The following RACGAP1 variants were observed in gnomAD, a reference collection of about 807,000 sequenced individuals.
RACGAP1 encodes rac GTPase-activating protein 1.
Under a neutral mutation model 78.1 loss-of-function variants are expected in RACGAP1, and 30 were observed. That is an observed-to-expected ratio of 0.38 (90% confidence interval 0.29 to 0.52). The LOEUF (loss-of-function observed/expected upper bound fraction) is 0.52, where lower values mean the gene tolerates loss of function less well. Among genes scored for constraint, RACGAP1 ranks in the 20% least tolerant of loss-of-function variants. The probability of loss-of-function intolerance (pLI) is 0.82; values close to 1 mark genes in which losing one functional copy is unlikely to be tolerated. For missense variants in RACGAP1, 587 were observed against 777.1 expected (o/e 0.76, Z 2.91); for synonymous variants, 231 against 264.8 (o/e 0.87, Z 1.24).
chr12:50,024,675 T>C (rs1419268136), intron 1 of RACGAP1, among the ~76,000 whole-genome samples: 1 of 151,666 alleles, frequency 6.6e-6, no homozygotes, highest in Non-Finnish European at 1.5e-5. Flanking sequence ...TTAAGTCCCC[T>C]CCAAAAGATA....
At position 49,999,811 on chromosome 12, in the gene RACGAP1, T is replaced by TA. The variant is rs544166663; in HGVS notation, c.631-79dup. The TA allele has an allele frequency of 3.6e-3, 4,281 of 1,199,932 alleles. 7 individuals carry two copies. Among genetic ancestry groups the TA allele is most frequent in the Non-Finnish European group, 4.8e-3 (3,882 of 810,712 alleles). The allele number at this position is 1,199,932 out of a possible 1,614,324, so 74.3% of individuals were successfully genotyped here. On this transcript the variant is annotated intron_variant, in intron 7 of 16. Coordinates refer to ENST00000312377, the MANE Select transcript of RACGAP1 (RefSeq NM_001319999.2). ...CCACTATAGGGTATTTTGGAGCAGG[T>TA]AAAAAATTCCTTAGTCTTAGTCAAG...
chr12:50,008,202 CTTT>C (rs554013271), intron 2 of RACGAP1, among the ~76,000 whole-genome samples: 2 of 116,804 alleles, frequency 1.7e-5, no homozygotes, highest in Admixed American at 8.4e-5. Context: ...AAAGATATTA[CTTT>C]TTTTTTTTTT....
chr12:50,020,543 A>G (rs1433626826), intron 1 of RACGAP1, among the ~76,000 whole-genome samples: 1 of 152,152 alleles, frequency 6.6e-6, no homozygotes, highest in African/African-American at 2.4e-5. Flanking sequence ...GAAACCTTAA[A>G]TTAACCAATA....
chr12:50,008,929 G>T (rs1246617136), intron 2 of RACGAP1, among the ~76,000 whole-genome samples: 1 of 152,166 alleles, frequency 6.6e-6, no homozygotes, highest in Non-Finnish European at 1.5e-5. Context: ...TGGTCAGTTG[G>T]TGAATCACAA....
At chr12:50,014,601 G>A (rs1949543260) in intron 2 of RACGAP1, among the ~76,000 whole-genome samples, 1 of 152,112 alleles carries the variant, frequency 6.6e-6, no homozygotes, top group African/African-American at 2.4e-5. Context: ...GTCTCGCTCT[G>A]TCCCAGGCTG....
chr12:50,011,331 CAAAAAAAAAAAA>C (rs34796842), intron 2 of RACGAP1, among the ~76,000 whole-genome samples: 1 of 71,486 alleles, frequency 1.4e-5, no homozygotes, highest in South Asian at 4.4e-4. Flanking sequence ...GAGACTGTCT[CAAAAAAAAAAAA>C]AAAAAAAGAA....
chr12:50,020,733 T>G (rs1229654466), intron 1 of RACGAP1, among the ~76,000 whole-genome samples: 1 of 152,062 alleles, frequency 6.6e-6, no homozygotes, highest in Non-Finnish European at 1.5e-5. Context: ...AAAACACAAA[T>G]TATAGCTGGA....
chr12:50,031,654 C>T lies in RACGAP1; in HGVS notation c.-24+43G>A, dbSNP rs902771629. 32 of 983,670 alleles carry T rather than the reference C, an allele frequency of 3.3e-5. No homozygotes were observed. In the African/African-American group the frequency reaches 5.2e-4, roughly 16 times the overall value. The allele number at this position is 983,670 out of a possible 1,614,324, so 60.9% of individuals were successfully genotyped here. A position where few individuals can be genotyped will look rare whatever the true frequency, so the allele number is the denominator to read the frequency against. On this transcript the variant is annotated intron_variant, in intron 2 of 3. Transcript: ENST00000548247. ...TGTGCGCCAGCACTCTCCGGAACTTCCCGAACTTCCAGTGCCTCTTCACCA... is the reference window on the plus strand; with the variant it reads ...TGTGCGCCAGCACTCTCCGGAACTTTCCGAACTTCCAGTGCCTCTTCACCA...
intron 9 of RACGAP1, among the ~76,000 whole-genome samples, chr12:49,998,583 AT>A (rs1305268826): frequency 1.4e-4 from 21 of 152,030 alleles, no homozygotes; most frequent in African/African-American, 4.8e-4. Context: ...TCAAGAAAAA[AT>A]GTAAACATGT....
rs190356225 is a variant in RACGAP1 at position 49,989,392 on chromosome 12, C to A, written c.*876G>T. 1.3e-5 allele frequency: 2 copies of A among 152,066 alleles called. No homozygotes were observed. Among genetic ancestry groups the A allele is most frequent in the African/African-American group, 4.8e-5 (2 of 41,366 alleles). 9.4% of individuals were successfully genotyped at this position (152,066 alleles called of 1,614,324 possible). The stretch of plus-strand genomic sequence containing the variant: ...GAAAAAATGACTGTAGCTTTTCTTA[C>A]CACAAAATATTGACAATCTTCCCTT... On this transcript the variant is annotated 3_prime_UTR_variant, in exon 17 of 17. Transcript: ENST00000312377.
At chr12:50,008,004 G>A (rs1418797086) in intron 2 of RACGAP1, among the ~76,000 whole-genome samples, 1 of 150,246 alleles carries the variant, frequency 6.7e-6, no homozygotes, top group Non-Finnish European at 1.5e-5. Context: ...AAACAATTTT[G>A]AGAATAAAAA....
chr12:49,997,233 A>T, intron 9 of RACGAP1, 29 bp from the exon 10 acceptor site: 1 of 1,469,844 alleles, frequency 6.8e-7, no homozygotes. Flanking sequence ...GAAGGAACAG[A>T]GTGATATGAA....
chr12:50,029,660 G>A (rs1468399246), upstream of RACGAP1, among the ~76,000 whole-genome samples: 2 of 152,154 alleles, frequency 1.3e-5, no homozygotes, highest in Admixed American at 6.5e-5. Flanking sequence ...TTGGGAGGCC[G>A]AGGTGGGCAG....
At chr12:50,030,163 T>C (rs1950318822), upstream of RACGAP1, among the ~76,000 whole-genome samples, 1 of 152,096 alleles carries the variant, frequency 6.6e-6, no homozygotes, top group Non-Finnish European at 1.5e-5. Context: ...ATTTATTCCT[T>C]TACTTTCTTA....
At chr12:50,025,376 G>A (rs542346686) in intron 1 of RACGAP1, 22 bp downstream of exon 1, 36 of 985,786 alleles carry the variant, frequency 3.7e-5, no homozygotes, top group Middle Eastern at 5.2e-4. Flanking sequence ...GACGCACCTG[G>A]TCTGGCACCC....
intron 9 of RACGAP1, among the ~76,000 whole-genome samples, chr12:49,997,661 TCCACCTCC>T (rs752005197): frequency 7.9e-5 from 12 of 151,876 alleles, no homozygotes; most frequent in Non-Finnish European, 1.6e-4. Context: ...CACTGCAACC[TCCACCTCC>T]CGGGTTCAAG....
At chr12:49,991,531 A>G (rs914003949) in intron 15 of RACGAP1, among the ~76,000 whole-genome samples, 7 of 114,520 alleles carry the variant, frequency 6.1e-5, no homozygotes, top group Admixed American at 1.1e-4. Flanking sequence ...CTCTGTCACC[A>G]GGCTGGAGTG....
At position 50,015,987 on chromosome 12, in the gene RACGAP1, G is replaced by A. The variant is rs961365199; in HGVS notation, c.85+644C>T. Among the ~76,000 whole-genome samples the A allele has an allele frequency of 3.3e-5, 5 of 151,714 alleles. No homozygotes were observed. In the South Asian group the frequency reaches 8.4e-4, roughly 25 times the overall value. On this transcript the variant is annotated intron_variant, in intron 2 of 16. Coordinates refer to ENST00000312377, the MANE Select transcript of RACGAP1 (RefSeq NM_001319999.2). ...CAAAGAAAATCCAGGATAAAAAAAA[G>A]ACAACTACTACTCTAAAGAAAAAAG...
chr12:50,023,452 G>C lies in RACGAP1; in HGVS notation c.-5+1946C>G, dbSNP rs147506126. ...AATACCTATTGAATGAAAGTAAACA[G>C]GCCAGGCATGGTGGCTGACGCCTCT... On this transcript the variant is annotated intron_variant, in intron 1 of 16. Transcript: ENST00000312377. Among the ~76,000 whole-genome samples, 822 of 152,298 alleles carry C rather than the reference G, an allele frequency of 5.4e-3. 11 individuals are homozygous for C. Among genetic ancestry groups the C allele is most frequent in the African/African-American group, 0.019 (782 of 41,562 alleles).
Sources: gnomAD v4.1 joint callset for allele counts (sites outside exome capture counted in the v4.1 genomes callset) on GRCh38, gnomAD v4.1.1 for gene constraint, MANE v1.5 for transcripts, NCBI Gene and HGNC (gene_info 2026-07-23, HGNC 2026-07-21) for gene names.